KIF18A: variants seen among roughly 807,000 people sequenced by gnomAD.
The protein encoded by KIF18A is kinesin family member 18A.
A neutral mutation model predicts 103.3 loss-of-function variants in KIF18A; 67 were observed. The observed-to-expected ratio is 0.65, with a 90% confidence interval of 0.53 to 0.79. The LOEUF (loss-of-function observed/expected upper bound fraction) is 0.79, where lower values mean the gene tolerates loss of function less well. Ranked by LOEUF, KIF18A falls within the 30% of genes least tolerant of loss-of-function variation. The pLI is 0.00. For synonymous variants in KIF18A, 367 were observed against 355.5 expected, an observed-to-expected ratio of 1.03 and a Z score of -0.36; for missense variants, 1,032 against 1,062.5, an observed-to-expected ratio of 0.97 and a Z score of 0.40.
rs148846163 is a variant in KIF18A, at chr11:28,023,851, C to T, written c.2505-1G>A. On this transcript the variant is annotated splice_acceptor_variant, in intron 15 of 16. Transcript: ENST00000263181. LOFTEE classifies it high-confidence loss of function. ...AGTTAACGAACTGTTTGATGTAGAA[C>T]TTGAGAGGAAAAGTTTTTAATTTAG... The T allele has an allele frequency of 3.9e-5, 62 of 1,587,326 alleles. No individual in the cohort carries two copies. Among genetic ancestry groups the T allele is most frequent in the Admixed American group, 5.1e-5 (3 of 58,480 alleles).
intron 7 of KIF18A, among the ~76,000 whole-genome samples, chr11:28,084,069 C>T (rs1244724316): frequency 6.6e-6 from 1 of 152,002 alleles, no homozygotes; most frequent in African/African-American, 2.4e-5. Flanking sequence ...GGCAAAAATA[C>T]TAATGTAACC....
rs1850891365 is a variant in KIF18A, at chr11:28,064,388, T to C, written c.1591-1872A>G. 2.0e-5 allele frequency among the ~76,000 whole-genome samples: 3 copies of C among 152,076 alleles called. No homozygotes were observed. The South Asian group carries it at 6.2e-4, about 31-fold the overall frequency. Reference sequence around the variant, plus strand: ...CAGATGATCTCTTCAGTTCTTTCTATTACTAGTTAGAAAATTGGATGATCA... The same window carrying C: ...CAGATGATCTCTTCAGTTCTTTCTACTACTAGTTAGAAAATTGGATGATCA... On this transcript the variant is annotated intron_variant, in intron 11 of 16. Transcript: ENST00000263181.
intron 1 of KIF18A, among the ~76,000 whole-genome samples, chr11:28,104,237 C>A (rs893496498): frequency 2.0e-5 from 3 of 152,096 alleles, no homozygotes; most frequent in African/African-American, 7.2e-5. Context: ...ATGTCATTTA[C>A]CTGCTCCAAA....
At chr11:28,103,528 G>C (rs950497015) in intron 1 of KIF18A, among the ~76,000 whole-genome samples, 3 of 151,888 alleles carry the variant, frequency 2.0e-5, no homozygotes, top group African/African-American at 7.2e-5. Context: ...TCTTTTTCTA[G>C]CTCCAAAATT....
At chr11:28,071,370 C>A (rs1251255003) in intron 10 of KIF18A, among the ~76,000 whole-genome samples, 1 of 151,746 alleles carries the variant, frequency 6.6e-6, no homozygotes. Flanking sequence ...ACATGTAAAA[C>A]AACGCCACTC....
chr11:28,029,398 C>A (rs1424543425), intron 15 of KIF18A, among the ~76,000 whole-genome samples: 1 of 152,086 alleles, frequency 6.6e-6, no homozygotes, highest in South Asian at 2.1e-4. Context: ...TAAATGTAAT[C>A]CAGCATATAC....
At chr11:28,079,339 T>C (rs201586666) in intron 9 of KIF18A, among the ~76,000 whole-genome samples, 1 of 151,910 alleles carries the variant, frequency 6.6e-6, no homozygotes, top group Admixed American at 6.6e-5. Flanking sequence ...CAAAATGAAA[T>C]AACAACAACT....
chr11:28,083,364 T>G, intron 7 of KIF18A, 121 bp from the exon 8 acceptor site: 2 of 1,095,296 alleles, frequency 1.8e-6, no homozygotes, highest in Non-Finnish European at 2.4e-6. Context: ...GTGATAATTA[T>G]GCTCACATTT....
intron 13 of KIF18A, among the ~76,000 whole-genome samples, chr11:28,056,156 T>C (rs866089952): frequency 7.4e-6 from 1 of 134,558 alleles, no homozygotes; most frequent in Non-Finnish European, 1.6e-5. Context: ...GATGAAACCA[T>C]CCATGTTTTT....
At position 28,090,684 on chromosome 11, in the gene KIF18A, T is replaced by C. The variant is rs987771902; in HGVS notation, c.632A>G (p.Asn211Ser). Residue 211 changes from asparagine (N) to serine (S), a missense_variant, in exon 5 of 17, where the codon AAC (asparagine) becomes AGC (serine). Asn to Ser is a conservative substitution (Grantham distance 46). Transcript: ENST00000263181. ...EEILHLLDNGNKNRTQHPTDM... is the reference protein window; with the variant it reads ...EEILHLLDNGSKNRTQHPTDM... ...AGTGGGATGTTGTGTCCTGTTTTTG[T>C]TTCCATTATCCAATAAATGTAAAAT... 3.1e-6 allele frequency: 5 copies of C among 1,610,460 alleles called. No homozygotes were observed. Among genetic ancestry groups the C allele is most frequent in the Non-Finnish European group, 4.2e-6 (5 of 1,177,370 alleles).
chr11:28,035,587 TTGG>T, intron 14 of KIF18A, 93 bp from the exon 15 acceptor site: 1 of 603,328 alleles, frequency 1.7e-6, no homozygotes, highest in Non-Finnish European at 2.6e-6. Flanking sequence ...AGAAAACCAT[TTGG>T]TATTAATATA....
At chr11:28,044,042 TA>T (rs1010794440) in intron 13 of KIF18A, among the ~76,000 whole-genome samples, 6 of 151,856 alleles carry the variant, frequency 4.0e-5, no homozygotes, top group African/African-American at 1.5e-4. Context: ...AGGGTGGAGT[TA>T]AAACAGGAGA....
At chr11:28,060,097 C>A (rs916054251) in intron 12 of KIF18A, among the ~76,000 whole-genome samples, 1 of 152,134 alleles carries the variant, frequency 6.6e-6, no homozygotes, top group East Asian at 1.9e-4. Flanking sequence ...TACAGCAGCA[C>A]CGAATGTAAT....
chr11:28,070,101 T>C (rs1850993444), intron 10 of KIF18A, among the ~76,000 whole-genome samples: 2 of 152,130 alleles, frequency 1.3e-5, no homozygotes. Flanking sequence ...TCTGGGGTAT[T>C]TGCCCACAGA....
At chr11:28,086,548 A>G (rs1851231059) in intron 6 of KIF18A, among the ~76,000 whole-genome samples, 1 of 152,236 alleles carries the variant, frequency 6.6e-6, no homozygotes, top group Admixed American at 6.5e-5. Context: ...ATGTTATCCA[A>G]TGTATACCTT....
At chr11:28,094,184 T>G (rs1444392738) in intron 3 of KIF18A, among the ~76,000 whole-genome samples, 1 of 152,194 alleles carries the variant, frequency 6.6e-6, no homozygotes, top group Non-Finnish European at 1.5e-5. Flanking sequence ...AATACAATTT[T>G]CTTTTACAAT....
intron 11 of KIF18A, among the ~76,000 whole-genome samples, chr11:28,066,931 A>C (rs1216302229): frequency 6.6e-6 from 1 of 151,508 alleles, no homozygotes; most frequent in Non-Finnish European, 1.5e-5. Flanking sequence ...ATAGTATTAA[A>C]CTATTATTTA....
At chr11:28,081,556 T>G (rs893608357) in intron 9 of KIF18A, among the ~76,000 whole-genome samples, 5 of 152,148 alleles carry the variant, frequency 3.3e-5, no homozygotes, top group Non-Finnish European at 7.4e-5. Context: ...TAAGACCTAT[T>G]GCTCAGAAAA....
At chr11:28,071,324 C>T (rs2083345944) in intron 10 of KIF18A, among the ~76,000 whole-genome samples, 1 of 151,962 alleles carries the variant, frequency 6.6e-6, no homozygotes, top group Admixed American at 6.6e-5. Flanking sequence ...GAGAATAGAG[C>T]TGATATGAAA....
Sources: allele counts gnomAD v4.1 joint callset (sites outside exome capture counted in the v4.1 genomes callset), GRCh38; gene constraint gnomAD v4.1.1; transcripts MANE v1.5; gene names NCBI Gene and HGNC (gene_info 2026-07-23, HGNC 2026-07-21).